The following PHEX variants were observed in gnomAD, a reference collection of about 807,000 sequenced individuals.
PHEX encodes phosphate regulating endopeptidase X-linked.
PHEX carries 16 observed loss-of-function variants against 68.0 expected under a neutral mutation model. The ratio of observed to expected loss-of-function variants is 0.24; its 90% CI spans 0.16 to 0.36. The LOEUF is 0.36. Ranked by LOEUF, PHEX falls within the 10% of genes least tolerant of loss-of-function variation. The pLI, the probability that PHEX is intolerant of heterozygous loss-of-function variation, is 1.00. For synonymous variants in PHEX, 208 were observed against 205.1 expected (o/e 1.01, Z -0.12); for missense variants, 480 against 575.5 (o/e 0.83, Z 1.70).
intron 12 of PHEX, among the ~76,000 whole-genome samples, chrX:22,140,644 G>T (rs1932418453): frequency 9.1e-6 from 1 of 109,600 alleles, no homozygotes; most frequent in African/African-American, 3.3e-5. Context: ...ACCATGCCCG[G>T]CTAATTTTTG....
chrX:22,111,425 T>C lies in PHEX; in HGVS notation c.1080-42T>C, dbSNP rs369246296. ...AGATGTTCTGCAGAGCATCAGATAT[T>C]GACCTAAAATACAATAAATGGGCAT... On this transcript the variant is annotated intron_variant, in intron 9 of 21. Transcript: ENST00000379374. 5.7e-5 allele frequency: 58 copies of C among 1,012,866 alleles called. No individual in the cohort carries two copies. In the African/African-American group the frequency reaches 8.9e-4, roughly 16 times the overall value. The allele number at this position is 1,012,866 out of a possible 1,213,427, so 83.5% of individuals were successfully genotyped here.
At chrX:22,118,454 C>A (rs1191069643) in intron 11 of PHEX, among the ~76,000 whole-genome samples, 1 of 107,511 alleles carries the variant, frequency 9.3e-6, no homozygotes, top group Non-Finnish European at 1.9e-5. Context: ...GTGCAAGTAA[C>A]TGCTTTAATT....
At chrX:22,128,388 A>G (rs1931832053) in intron 11 of PHEX, among the ~76,000 whole-genome samples, 1 of 110,993 alleles carries the variant, frequency 9.0e-6, no homozygotes, top group African/African-American at 3.3e-5. Flanking sequence ...AATGCATTAA[A>G]TTTTAATGAA....
intron 17 of PHEX, among the ~76,000 whole-genome samples, chrX:22,220,745 G>T (rs1212256917): frequency 8.9e-6 from 1 of 112,109 alleles, no homozygotes; most frequent in African/African-American, 3.2e-5. Flanking sequence ...ATCCCAGGGG[G>T]TGGTGTTAGT....
chrX:22,087,826 A>G (rs1024375960), intron 5 of PHEX, among the ~76,000 whole-genome samples: 5 of 112,172 alleles, frequency 4.5e-5, no homozygotes, highest in Non-Finnish European at 9.4e-5. Context: ...CTTGAGATTC[A>G]TTTTATTTAT....
intron 19 of PHEX, among the ~76,000 whole-genome samples, chrX:22,227,189 G>T (rs1229837839): frequency 1.8e-5 from 2 of 112,414 alleles, no homozygotes; most frequent in Non-Finnish European, 3.8e-5. Flanking sequence ...AAAATGTATT[G>T]CCATAGGGGC....
At chrX:22,046,563 CTTTTTTTTTTTTT>C (rs529373663) in intron 2 of PHEX, among the ~76,000 whole-genome samples, 2 of 77,019 alleles carry the variant, frequency 2.6e-5, no homozygotes, top group Admixed American at 1.5e-4. Flanking sequence ...TATCCATTCC[CTTTTTTTTTTTTT>C]TTTTTTTTGA....
At chrX:22,098,940 A>G (rs966528228) in intron 8 of PHEX, 66 bp from the exon 9 acceptor site, 4 of 1,001,868 alleles carry the variant, frequency 4.0e-6, no homozygotes, top group South Asian at 1.9e-5. Flanking sequence ...AATCTACTCT[A>G]TCTGCCTTTC....
chrX:22,166,431 C>T (rs60428454), intron 12 of PHEX, among the ~76,000 whole-genome samples: 26,010 of 110,188 alleles, frequency 0.24, 2,459 homozygotes, highest in Middle Eastern at 0.29. Flanking sequence ...TTAAATTACT[C>T]GCCCTCTCTC....
chrX:22,247,534 C>T (rs1046675964), intron 21 of PHEX, among the ~76,000 whole-genome samples: 2 of 112,177 alleles, frequency 1.8e-5, no homozygotes, highest in African/African-American at 6.5e-5. Flanking sequence ...ATTTTGCATA[C>T]TTTATGTCAG....
At chrX:22,176,554 C>T (rs1933717946) in intron 13 of PHEX, among the ~76,000 whole-genome samples, 1 of 109,360 alleles carries the variant, frequency 9.1e-6, no homozygotes, top group Non-Finnish European at 1.9e-5. Flanking sequence ...CATGCACACA[C>T]ACATTTTAAA....
chrX:22,209,713 C>T (rs1287698827), intron 15 of PHEX, among the ~76,000 whole-genome samples: 1 of 68,202 alleles, frequency 1.5e-5, no homozygotes, highest in Non-Finnish European at 2.8e-5. Flanking sequence ...CCTCTCTTCC[C>T]TCTGCTCCCT....
chrX:22,139,679 C>T (rs994720966), intron 12 of PHEX, among the ~76,000 whole-genome samples: 36 of 102,804 alleles, frequency 3.5e-4, no homozygotes, highest in Non-Finnish European at 3.3e-4. Context: ...TGTGCCCCCA[C>T]ATCCAGCTAA....
At chrX:22,180,482 TA>T (rs200002791) in intron 14 of PHEX, among the ~76,000 whole-genome samples, 8 of 107,819 alleles carry the variant, frequency 7.4e-5, no homozygotes, top group South Asian at 4.0e-4. Flanking sequence ...ATTCAAAAAT[TA>T]AAAAAAAAAT....
chrX:22,212,411 C>G (rs1934957623), intron 15 of PHEX, among the ~76,000 whole-genome samples: 1 of 111,707 alleles, frequency 9.0e-6, no homozygotes, highest in African/African-American at 3.3e-5. Context: ...TTTCTCTGCT[C>G]ACACACACAT....
At chrX:22,111,051 G>A (rs758224374) in intron 9 of PHEX, among the ~76,000 whole-genome samples, 1 of 112,657 alleles carries the variant, frequency 8.9e-6, no homozygotes, top group Non-Finnish European at 1.9e-5. Context: ...CACAGACAGT[G>A]ACCCTGGCCC....
At chrX:22,067,330 A>C (rs146332375) in intron 3 of PHEX, among the ~76,000 whole-genome samples, 1 of 110,550 alleles carries the variant, frequency 9.0e-6, no homozygotes, top group Non-Finnish European at 1.9e-5. Flanking sequence ...ATTTTTTTCC[A>C]CTCTTGAATC....
At chrX:22,110,701 G>C (rs1985244) in intron 9 of PHEX, among the ~76,000 whole-genome samples, 1 of 106,874 alleles carries the variant, frequency 9.4e-6, no homozygotes, top group Admixed American at 1.0e-4. Context: ...CTATCACAAG[G>C]ACAAAAAACC....
intron 2 of PHEX, among the ~76,000 whole-genome samples, chrX:22,044,729 A>C (rs1202648698): frequency 1.3e-5 from 1 of 75,533 alleles, no homozygotes; most frequent in Admixed American, 1.5e-4. Flanking sequence ...TAAATAAATA[A>C]ATAAATAAAT....
Sources: gnomAD v4.1 joint callset for allele counts (sites outside exome capture counted in the v4.1 genomes callset) on GRCh38, gnomAD v4.1.1 for gene constraint, MANE v1.5 for transcripts, NCBI Gene and HGNC (gene_info 2026-07-23, HGNC 2026-07-21) for gene names.